BRCA2: variants seen among roughly 807,000 people sequenced by gnomAD.
The protein encoded by BRCA2 is BRCA2 DNA repair associated, also known as breast cancer type 2 susceptibility protein.
In BRCA2, 203 loss-of-function variants were observed where a neutral mutation model predicts 276.7. That is an observed-to-expected ratio of 0.73 (90% CI 0.65 to 0.82). The LOEUF (loss-of-function observed/expected upper bound fraction) is 0.82, where lower values mean the gene tolerates loss of function less well. Among genes scored for constraint, BRCA2 ranks in the 40% least tolerant of loss-of-function variants. The pLI is 0.00. For synonymous variants in BRCA2, 1,289 were observed against 1,338.4 expected, an observed-to-expected ratio of 0.96 and a Z score of 0.81; for missense variants, 3,920 against 3,915.0, an observed-to-expected ratio of 1.00 and a Z score of -0.03.
rs1403242422 is a variant in BRCA2 at position 32,331,030 on chromosome 13, G to A, written c.793G>A (p.Gly265Arg). The A allele has an allele frequency of 6.2e-7, 1 of 1,600,634 alleles. No individual in the cohort carries two copies. The highest frequency in any genetic ancestry group is 8.6e-7 in the Non-Finnish European group (1 of 1,168,322). ...NTNQREAASHGFGKTSGNSFK... is the reference protein window; with the variant it reads ...NTNQREAASHRFGKTSGNSFK... ...AAATCAAAGAGAAGCTGCAAGTCATGGTAAGTCCTCTGTTTAGTTGAACTA... is the reference window on the plus strand; with the variant it reads ...AAATCAAAGAGAAGCTGCAAGTCATAGTAAGTCCTCTGTTTAGTTGAACTA... The change falls in exon 9 of 27, where the codon GGA becomes AGA. Residue 265 changes from glycine to arginine, a missense_variant and splice_region_variant. Coordinates refer to ENST00000380152, the MANE Select transcript of BRCA2 (RefSeq NM_000059.4).
chr13:32,346,580 T>C (rs2072612175), intron 12 of BRCA2, among the ~76,000 whole-genome samples: 1 of 152,150 alleles, frequency 6.6e-6, no homozygotes, highest in Admixed American at 6.5e-5. Context: ...TGAGTTATGA[T>C]GGTTAACATC....
At chr13:32,358,481 A>AC (rs1216007993) in intron 16 of BRCA2, among the ~76,000 whole-genome samples, 1 of 150,090 alleles carries the variant, frequency 6.7e-6, no homozygotes, top group African/African-American at 2.5e-5. Flanking sequence ...CATCTCAAAA[A>AC]AAAAAAAAAG....
intron 9 of BRCA2, among the ~76,000 whole-genome samples, chr13:32,331,857 TATC>T (rs1461095858): frequency 6.6e-6 from 1 of 152,192 alleles, no homozygotes; most frequent in African/African-American, 2.4e-5. Flanking sequence ...GTCTGTGTGG[TATC>T]ATGTACGTAT....
In BRCA2 at chr13:32,344,604, A is replaced by G. The variant is rs879255335; in HGVS notation, c.6888A>G (p.Ile2296Met). The G allele has an allele frequency of 6.3e-7, 1 of 1,583,760 alleles. No individual in the cohort carries two copies. Among genetic ancestry groups the G allele is most frequent in the Non-Finnish European group, 8.7e-7 (1 of 1,152,988 alleles). Residue 2296 changes from isoleucine (I) to methionine (M), a missense_variant, in exon 12 of 27, where the codon ATA becomes ATG. Ile to Met is a conservative substitution (Grantham distance 10, BLOSUM62 1). This residue lies in a region of BRCA2 where 3,263 missense variants were observed against 3,156.9 expected (regional missense o/e 1.03). Transcript: ENST00000380152. The part of the protein sequence containing the change: ...KRNLLNEFDR[I>M]IENQEKSLKA... ...ACTTATTAAATGAATTTGACAGGAT[A>G]ATAGAAAATCAAGAAAAATCCTTAA... is the stretch of plus-strand genomic sequence containing the variant.
chr13:32,374,997 A>G (rs1056738425), intron 20 of BRCA2, among the ~76,000 whole-genome samples: 2 of 152,228 alleles, frequency 1.3e-5, no homozygotes, highest in Non-Finnish European at 2.9e-5. Flanking sequence ...GAAACTTACA[A>G]TCATAGTGGA....
chr13:32,352,140 T>C (rs2072657590), intron 13 of BRCA2, among the ~76,000 whole-genome samples: 1 of 152,152 alleles, frequency 6.6e-6, no homozygotes, highest in Non-Finnish European at 1.5e-5. Context: ...GTGGAATTGT[T>C]GAAGTCACTG....
At chr13:32,354,804 C>G (rs1479309873) in intron 13 of BRCA2, 57 bp from the exon 14 acceptor site, 1 of 1,213,620 alleles carries the variant, frequency 8.2e-7, no homozygotes, top group African/African-American at 1.5e-5. Flanking sequence ...AAGGCATATT[C>G]CTAAATATTT....
chr13:32,338,391 A>G lies in BRCA2; in HGVS notation c.4036A>G (p.Thr1346Ala), dbSNP rs2137502300. Residue 1346 changes from threonine to alanine, a missense_variant, in exon 11 of 27, where the codon ACT (threonine) becomes GCT (alanine). Around this residue, in one of 2 missense-constraint regions of BRCA2, gnomAD observed 3,263 missense variants for 3,156.9 expected, o/e 1.03. Coordinates refer to ENST00000380152, the MANE Select transcript of BRCA2 (RefSeq NM_000059.4). ...TGGCAGTGATTCAAGTAAAAATGAT[A>G]CTGTTTGTATTCATAAAGATGAAAC... ...FDGSDSSKNDTVCIHKDETDL... is the reference protein window; with the variant it reads ...FDGSDSSKNDAVCIHKDETDL... 6.3e-7 allele frequency: 1 copy of G among 1,596,700 alleles called. No homozygotes were observed. Among genetic ancestry groups the G allele is most frequent in the South Asian group, 1.2e-5 (1 of 86,682 alleles).
In BRCA2 at chr13:32,337,419, C is replaced by T. The variant is rs765882871; in HGVS notation, c.3064C>T (p.His1022Tyr). ...AAATAAGGAAATCAAGCTCTCTGAA[C>T]ATAACATTAAGAAGAGCAAAATGTT... ...ASNKEIKLSE[H>Y]NIKKSKMFFK... The change falls in exon 11 of 27, where the codon CAT becomes TAT. Residue 1022 changes from histidine (H) to tyrosine (Y), a missense_variant. By Grantham distance (83) the His-to-Tyr change is moderately conservative (BLOSUM62 2). Coordinates refer to ENST00000380152, the MANE Select transcript of BRCA2 (RefSeq NM_000059.4). The T allele has an allele frequency of 2.5e-6, 4 of 1,613,132 alleles. No homozygotes were observed. The highest frequency in any genetic ancestry group is 2.2e-5 in the South Asian group (2 of 90,970).
chr13:32,387,588 AT>A (rs1177434614), intron 24 of BRCA2, among the ~76,000 whole-genome samples: 2 of 152,104 alleles, frequency 1.3e-5, no homozygotes, highest in Non-Finnish European at 2.9e-5. Context: ...AAGCCTGGAT[AT>A]TACGCAGGCC....
rs376257217 is a variant in BRCA2 at position 32,339,674 on chromosome 13, G to A, written c.5319G>A (p.Glu1773=). 89 of 1,612,244 alleles carry A rather than the reference G, an allele frequency of 5.5e-5. No individual in the cohort carries two copies. Among genetic ancestry groups the A allele is most frequent in the Non-Finnish European group, 7.3e-5 (86 of 1,178,682 alleles). Residue 1773 remains glutamate (E), a synonymous_variant, in exon 11 of 27, where the codon GAG becomes GAA. Transcript: ENST00000380152. ...AAAATAAACTTGATTCTGGTATTGA[G>A]CCAGTATTGAAGAATGTTGAAGATC... ...LSKNKLDSGI[E]PVLKNVEDQK...
At chr13:32,378,223 G>C (rs1392021073) in intron 21 of BRCA2, among the ~76,000 whole-genome samples, 1 of 152,116 alleles carries the variant, frequency 6.6e-6, no homozygotes, top group Non-Finnish European at 1.5e-5. Context: ...TTGGAGTAGG[G>C]CCTTGCCCAG....
In BRCA2 at chr13:32,355,287, A is replaced by T. The variant is rs1593918707; in HGVS notation, c.7434A>T (p.Leu2478Phe). The T allele has an allele frequency of 6.2e-7, 1 of 1,613,546 alleles. No homozygotes were observed. Residue 2478 changes from leucine (L) to phenylalanine (F), a missense_variant and splice_region_variant, in exon 14 of 27, where the codon TTA (leucine) becomes TTT (phenylalanine). Leu to Phe is a conservative substitution (Grantham distance 22). Coordinates refer to ENST00000380152, the MANE Select transcript of BRCA2 (RefSeq NM_000059.4). ...VTFTKCEEEP[L>F]DLITSLQNAR... ...TCACAAAGTGTGAAGAAGAACCTTT[A>T]GGTATTGTATGACAATTTGTGTGAT...
At chr13:32,360,739 G>A (rs1287199730) in intron 16 of BRCA2, among the ~76,000 whole-genome samples, 3 of 152,174 alleles carry the variant, frequency 2.0e-5, no homozygotes, top group African/African-American at 7.2e-5. Flanking sequence ...GACCACTTAA[G>A]CTATTGCAGA....
intron 20 of BRCA2, among the ~76,000 whole-genome samples, chr13:32,371,361 A>G (rs1335621634): frequency 2.0e-5 from 3 of 151,950 alleles, no homozygotes; most frequent in Non-Finnish European, 4.4e-5. Flanking sequence ...TTGTCATGGT[A>G]GTTATTAGCT....
At chr13:32,367,432 A>G (rs1566247412) in intron 18 of BRCA2, among the ~76,000 whole-genome samples, 1 of 149,888 alleles carries the variant, frequency 6.7e-6, no homozygotes, top group Non-Finnish European at 1.5e-5. Context: ...GCGAGACTCC[A>G]TCTCAAAGAA....
At chr13:32,334,357 T>C (rs1333895484) in intron 10 of BRCA2, among the ~76,000 whole-genome samples, 2 of 152,286 alleles carry the variant, frequency 1.3e-5, no homozygotes, top group East Asian at 3.9e-4. Context: ...GTGGTGCTAC[T>C]TACTATGTAT....
chr13:32,362,807 G>A, intron 17 of BRCA2, 114 bp downstream of exon 17: 1 of 1,143,180 alleles, frequency 8.7e-7, no homozygotes. Context: ...AGTGACAGTT[G>A]CCATCCCACA....
At chr13:32,320,036 G>T (rs1452096732) in intron 3 of BRCA2, among the ~76,000 whole-genome samples, 1 of 152,206 alleles carries the variant, frequency 6.6e-6, no homozygotes, top group East Asian at 1.9e-4. Context: ...ATTTGAAGAT[G>T]TGGTAGAGTG....
Sources: gnomAD v4.1 joint callset for allele counts (sites outside exome capture counted in the v4.1 genomes callset) on GRCh38, gnomAD v4.1.1 for gene constraint, gnomAD v4.1.1 regional missense constraint, MANE v1.5 for transcripts, NCBI Gene and HGNC (gene_info 2026-07-23, HGNC 2026-07-21) for gene names.